The following TLL1 variants were observed in gnomAD, a reference collection of about 807,000 sequenced individuals.
TLL1 encodes tolloid like 1, also known as tolloid-like protein 1.
TLL1 carries 49 observed loss-of-function variants against 128.2 expected under a neutral mutation model. That is an observed-to-expected ratio of 0.38 (90% CI 0.30 to 0.48). The LOEUF is 0.48. Ranked by LOEUF, TLL1 falls within the 20% of genes least tolerant of loss-of-function variation. The pLI is 0.96. For missense variants in TLL1, 1,123 were observed against 1,242.0 expected, an observed-to-expected ratio of 0.90 and a Z score of 1.44; for synonymous variants, 454 against 418.8, an observed-to-expected ratio of 1.08 and a Z score of -1.03.
intron 13 of TLL1, 120 bp from the exon 14 acceptor site, chr4:166,057,064 G>A (rs1054374516): frequency 6.1e-6 from 7 of 1,155,586 alleles, no homozygotes; most frequent in Admixed American, 3.4e-5. Context: ...CTCATGACAC[G>A]TGAGAATTTT....
chr4:165,962,973 T>G (rs1422788478), intron 1 of TLL1, among the ~76,000 whole-genome samples: 2 of 143,032 alleles, frequency 1.4e-5, no homozygotes, highest in East Asian at 4.1e-4. Flanking sequence ...AAGAAACACT[T>G]GAACCGAGGA....
intron 5 of TLL1, among the ~76,000 whole-genome samples, chr4:165,996,778 T>G (rs1736901421): frequency 6.6e-6 from 1 of 151,370 alleles, no homozygotes; most frequent in East Asian, 1.9e-4. Context: ...CTAAATGTAG[T>G]TGCACTCTTG....
At chr4:165,893,369 G>C (rs1307263996) in intron 1 of TLL1, among the ~76,000 whole-genome samples, 1 of 152,196 alleles carries the variant, frequency 6.6e-6, no homozygotes, top group Non-Finnish European at 1.5e-5. Flanking sequence ...AATAAAGTGA[G>C]TCCTGTGAGT....
chr4:165,956,416 C>T (rs1734796522), intron 1 of TLL1, among the ~76,000 whole-genome samples: 1 of 152,048 alleles, frequency 6.6e-6, no homozygotes, highest in Admixed American at 6.6e-5. Flanking sequence ...ATAGACCTCC[C>T]CCCAGGAATG....
Position 166,008,121 on chromosome 4 carries a change from G to A in TLL1, c.917+73G>A, listed in dbSNP as rs527939232. On this transcript the variant is annotated intron_variant, in intron 7 of 20. Coordinates refer to ENST00000061240, the MANE Select transcript of TLL1 (RefSeq NM_012464.5). Reference sequence around the variant, plus strand: ...TGTGGCTCCTCACAAAGCTATGCCTGACATTAGAACTAGAATTACTTTCAA... The same window carrying A: ...TGTGGCTCCTCACAAAGCTATGCCTAACATTAGAACTAGAATTACTTTCAA... 2.0e-5 allele frequency: 22 copies of A among 1,103,468 alleles called. No homozygotes were observed. In the South Asian group the frequency reaches 2.7e-4, roughly 13 times the overall value. 68.4% of individuals were successfully genotyped at this position (1,103,468 alleles called of 1,614,324 possible). A position where few individuals can be genotyped will look rare whatever the true frequency, so the allele number is the denominator to read the frequency against.
rs1742387420 is a variant in TLL1, at chr4:166,103,736, C to T, written c.*2860C>T. 3 of 151,518 alleles carry T rather than the reference C, an allele frequency of 2.0e-5. No homozygotes were observed. Among genetic ancestry groups the T allele is most frequent in the Non-Finnish European group, 4.4e-5 (3 of 67,788 alleles). The allele number at this position is 151,518 out of a possible 1,614,324, so 9.4% of individuals were successfully genotyped here. A position where few individuals can be genotyped will look rare whatever the true frequency, so the allele number is the denominator to read the frequency against. On this transcript the variant is annotated 3_prime_UTR_variant, in exon 21 of 21. Transcript: ENST00000061240. ...TTGTATTGTTAATAATTGTTACTTA[C>T]TGCTCCAGGCATTTTATTAAATTAA...
At chr4:166,030,323 T>C (rs1738706081) in intron 9 of TLL1, 12 of 400,074 alleles carry the variant, frequency 3.0e-5, no homozygotes, top group Admixed American at 1.3e-4. Flanking sequence ...GAAATATTTA[T>C]TCAAGTCTTT....
intron 7 of TLL1, among the ~76,000 whole-genome samples, chr4:166,012,172 C>T (rs977601766): frequency 2.6e-5 from 4 of 151,502 alleles, no homozygotes; most frequent in Non-Finnish European, 4.4e-5. Context: ...CTGATTTGCT[C>T]TTTCAATGTA....
chr4:166,037,630 A>G (rs1739061474), intron 9 of TLL1, among the ~76,000 whole-genome samples: 1 of 152,078 alleles, frequency 6.6e-6, no homozygotes, highest in African/African-American at 2.4e-5. Flanking sequence ...CAACATGGTG[A>G]AACTCTGTCT....
intron 1 of TLL1, among the ~76,000 whole-genome samples, chr4:165,925,490 A>T (rs1733228980): frequency 6.6e-6 from 1 of 152,210 alleles, no homozygotes; most frequent in Non-Finnish European, 1.5e-5. Flanking sequence ...CTGCAATCCC[A>T]TGATAAAACT....
At chr4:165,984,149 A>T (rs1319821230) in intron 1 of TLL1, among the ~76,000 whole-genome samples, 1 of 151,966 alleles carries the variant, frequency 6.6e-6, no homozygotes, top group Admixed American at 6.6e-5. Context: ...TAACAAAGAC[A>T]CATACTACCT....
chr4:165,895,305 A>G (rs1731619211), intron 1 of TLL1, among the ~76,000 whole-genome samples: 1 of 152,154 alleles, frequency 6.6e-6, no homozygotes. Context: ...GTTTAGTAAG[A>G]TTTCAGGATA....
chr4:165,994,867 C>T (rs1179026207), intron 4 of TLL1, among the ~76,000 whole-genome samples, 194 bp from the exon 5 acceptor site: 1 of 152,122 alleles, frequency 6.6e-6, no homozygotes, highest in African/African-American at 2.4e-5. Context: ...AGATAGTGAG[C>T]TTTAGCCCTC....
chr4:166,056,404 A>G (rs1006519779), intron 13 of TLL1, among the ~76,000 whole-genome samples: 1 of 151,366 alleles, frequency 6.6e-6, no homozygotes, highest in Non-Finnish European at 1.5e-5. Context: ...GTATATATAT[A>G]CTTTATGTAT....
intron 1 of TLL1, among the ~76,000 whole-genome samples, chr4:165,930,089 C>A (rs1733447883): frequency 2.0e-5 from 3 of 152,136 alleles, no homozygotes; most frequent in Admixed American, 6.5e-5. Context: ...TACAGCTTTA[C>A]TGATTTGGCC....
At chr4:166,063,490 G>A (rs1740431872) in intron 15 of TLL1, among the ~76,000 whole-genome samples, 1 of 152,014 alleles carries the variant, frequency 6.6e-6, no homozygotes. Context: ...CCCATTACGG[G>A]GTATATACCC....
chr4:166,010,644 A>G (rs1193586347), intron 7 of TLL1, among the ~76,000 whole-genome samples: 1 of 150,716 alleles, frequency 6.6e-6, no homozygotes, highest in Non-Finnish European at 1.5e-5. Flanking sequence ...ACAATGCTGT[A>G]TGTTTGATGT....
intron 9 of TLL1, among the ~76,000 whole-genome samples, chr4:166,027,260 G>A (rs1232135470): frequency 1.3e-5 from 2 of 152,008 alleles, no homozygotes; most frequent in Non-Finnish European, 2.9e-5. Context: ...TGAAAAGGGG[G>A]AATGGGTTGA....
intron 1 of TLL1, among the ~76,000 whole-genome samples, chr4:165,939,761 GT>G (rs147675225): frequency 0.036 from 5,447 of 151,946 alleles, 292 homozygotes; most frequent in African/African-American, 0.12. Flanking sequence ...TTGGTTTCTT[GT>G]TTTATTTATT....
Sources: gnomAD v4.1 joint callset for allele counts (sites outside exome capture counted in the v4.1 genomes callset) on GRCh38, gnomAD v4.1.1 for gene constraint, MANE v1.5 for transcripts, NCBI Gene and HGNC (gene_info 2026-07-23, HGNC 2026-07-21) for gene names.